Variants in RANBP10 observed in about 807,000 individuals in gnomAD.
RANBP10 encodes RAN binding protein 10, also known as ran-binding protein 10.
In RANBP10, 24 loss-of-function variants were observed where a neutral mutation model predicts 72.8. That is an observed-to-expected ratio of 0.33 (90% CI 0.24 to 0.46). The LOEUF (loss-of-function observed/expected upper bound fraction) is 0.46, where lower values mean the gene tolerates loss of function less well. Ranked by LOEUF, RANBP10 falls within the 20% of genes least tolerant of loss-of-function variation. The pLI, the probability that RANBP10 is intolerant of heterozygous loss-of-function variation, is 1.00. For synonymous variants in RANBP10, 310 were observed against 322.3 expected (o/e 0.96, Z 0.41); for missense variants, 679 against 817.5 (o/e 0.83, Z 2.07).
intron 3 of RANBP10, among the ~76,000 whole-genome samples, chr16:67,745,329 T>C (rs535128461): frequency 6.6e-6 from 1 of 151,826 alleles, no homozygotes; most frequent in Non-Finnish European, 1.5e-5. Flanking sequence ...TTCTCTCTTT[T>C]ATTTTTATTT....
At chr16:67,755,985 T>G (rs2054279763) in intron 3 of RANBP10, among the ~76,000 whole-genome samples, 1 of 152,178 alleles carries the variant, frequency 6.6e-6, no homozygotes. Context: ...CAAGCCACAT[T>G]TGAACCAGCA....
chr16:67,729,826 C>A lies in RANBP10; in HGVS notation c.1001G>T (p.Cys334Phe). The A allele has an allele frequency of 6.2e-7, 1 of 1,613,828 alleles. No homozygotes were observed. Among genetic ancestry groups the A allele is most frequent in the Non-Finnish European group, 8.5e-7 (1 of 1,179,888 alleles). Residue 334 changes from cysteine to phenylalanine, a missense_variant and splice_region_variant, in exon 9 of 14, where the codon TGC becomes TTC. Cys to Phe is a radical substitution (Grantham distance 205, BLOSUM62 -2). Coordinates refer to ENST00000317506, the MANE Select transcript of RANBP10 (RefSeq NM_020850.3). This position sits in a 1 kb window ranked among gnomAD's most constrained non-coding sequence, Gnocchi z 7.1. Reference sequence around the variant, plus strand: ...ATTCACCATCTCCACAAACTGCCGGCACCTGTGGAGGGAGCGGAGCAATAA... The same window carrying A: ...ATTCACCATCTCCACAAACTGCCGGAACCTGTGGAGGGAGCGGAGCAATAA... ...HNPNLLFMLKCRQFVEMVNGT... is the reference protein window; with the variant it reads ...HNPNLLFMLKFRQFVEMVNGT...
At chr16:67,741,524 G>T (rs1267675015) in intron 4 of RANBP10, among the ~76,000 whole-genome samples, 1 of 152,210 alleles carries the variant, frequency 6.6e-6, no homozygotes, top group Non-Finnish European at 1.5e-5. Context: ...ACAGGTCAGG[G>T]ACCACTGAGG....
intron 4 of RANBP10, among the ~76,000 whole-genome samples, chr16:67,742,211 A>G (rs757294200): frequency 6.6e-6 from 1 of 152,136 alleles, no homozygotes; most frequent in Non-Finnish European, 1.5e-5. Flanking sequence ...CGCTCGGCCA[A>G]CTTAGTGATT....
intron 3 of RANBP10, among the ~76,000 whole-genome samples, chr16:67,769,777 G>C (rs1482424627): frequency 4.3e-5 from 2 of 46,082 alleles, no homozygotes; most frequent in African/African-American, 1.4e-4. Flanking sequence ...AAAAAAAAAA[G>C]AGTCCTTACC....
chr16:67,733,464 C>T (rs2053775382), intron 6 of RANBP10, among the ~76,000 whole-genome samples: 1 of 152,006 alleles, frequency 6.6e-6, no homozygotes, highest in Admixed American at 6.6e-5. Flanking sequence ...AGAGGGTTAC[C>T]TACACAAGTA....
At chr16:67,753,526 A>G (rs1295006302) in intron 3 of RANBP10, among the ~76,000 whole-genome samples, 1 of 152,214 alleles carries the variant, frequency 6.6e-6, no homozygotes, top group East Asian at 1.9e-4. Flanking sequence ...ATGATGGGCT[A>G]GCAATGGGAG....
intron 3 of RANBP10, among the ~76,000 whole-genome samples, chr16:67,768,646 G>T (rs370994054): frequency 6.6e-6 from 1 of 152,094 alleles, no homozygotes; most frequent in Admixed American, 6.6e-5. Flanking sequence ...AGCCTGCAAG[G>T]TTGAGGCTGC....
In RANBP10 at chr16:67,774,561, C is replaced by T. The variant is rs138655548; in HGVS notation, c.348-2475G>A. Among the ~76,000 whole-genome samples the T allele has an allele frequency of 2.0e-5, 3 of 152,306 alleles. No individual in the cohort carries two copies. In the East Asian group the frequency reaches 5.8e-4, roughly 29 times the overall value. On this transcript the variant is annotated intron_variant, in intron 2 of 13. Coordinates refer to ENST00000317506, the MANE Select transcript of RANBP10 (RefSeq NM_020850.3). ...TCGGGAGCCTCTGTACAAACCCCTG[C>T]CTCGACTTGAGAATCTGAGTGGACT...
At chr16:67,744,768 A>G (rs2054037132) in intron 3 of RANBP10, among the ~76,000 whole-genome samples, 1 of 152,238 alleles carries the variant, frequency 6.6e-6, no homozygotes, top group Admixed American at 6.5e-5. Flanking sequence ...AGCCTTGTGA[A>G]GGAGTGGGAG....
At position 67,730,026 on chromosome 16, in the gene RANBP10, C is replaced by T; in HGVS notation, c.910G>A (p.Glu304Lys). ...NRQKIQKLVL[E>K]GRVGEAIETT... ...TCGATGGCCTCGCCCACACGGCCCT[C>T]CAGCACCAGCTTCTGGATCTCTGCA... The change falls in exon 8 of 14, where the codon GAG becomes AAG. Residue 304 changes from glutamate (E) to lysine (K), a missense_variant. Glu to Lys is a moderately conservative substitution (Grantham distance 56, BLOSUM62 1). Coordinates refer to ENST00000317506, the MANE Select transcript of RANBP10 (RefSeq NM_020850.3). The surrounding 1 kb of genome is among the most constrained non-coding windows in gnomAD (Gnocchi z 4.3). 1.2e-6 allele frequency: 2 copies of T among 1,612,848 alleles called. No homozygotes were observed. Among genetic ancestry groups the T allele is most frequent in the South Asian group, 2.2e-5 (2 of 91,072 alleles).
At chr16:67,778,142 G>A (rs1310941661) in intron 2 of RANBP10, among the ~76,000 whole-genome samples, 6 of 152,188 alleles carry the variant, frequency 3.9e-5, no homozygotes, top group Non-Finnish European at 7.3e-5. Flanking sequence ...CTGAGGTCGG[G>A]AGTTCAAGAC....
intron 2 of RANBP10, among the ~76,000 whole-genome samples, chr16:67,791,012 A>C (rs965894186): frequency 5.1e-4 from 54 of 105,128 alleles, no homozygotes; most frequent in South Asian, 5.1e-3. Context: ...TTACCAATTT[A>C]TTTCTTTTTT....
chr16:67,732,689 G>A (rs550727286), intron 6 of RANBP10, among the ~76,000 whole-genome samples: 92 of 152,168 alleles, frequency 6.0e-4, no homozygotes, highest in African/African-American at 2.2e-3. Context: ...AGGACAAGGC[G>A]GGAGGATCAC....
At chr16:67,766,969 C>T (rs2054514077) in intron 3 of RANBP10, among the ~76,000 whole-genome samples, 1 of 152,144 alleles carries the variant, frequency 6.6e-6, no homozygotes, top group Non-Finnish European at 1.5e-5. Context: ...GAAGGAAAAC[C>T]CTGAGGAGTT....
At chr16:67,740,805 G>C (rs533991775) in intron 4 of RANBP10, among the ~76,000 whole-genome samples, 1 of 152,300 alleles carries the variant, frequency 6.6e-6, no homozygotes, top group African/African-American at 2.4e-5. Flanking sequence ...CTCATAAGCC[G>C]CATGGTCTGC....
chr16:67,744,751 C>A (rs950885522), intron 3 of RANBP10, among the ~76,000 whole-genome samples: 2 of 152,236 alleles, frequency 1.3e-5, no homozygotes, highest in Non-Finnish European at 2.9e-5. Context: ...AGGAGGTGGT[C>A]AAGGGAAGCC....
At chr16:67,770,909 C>A (rs754864557) in intron 3 of RANBP10, among the ~76,000 whole-genome samples, 1 of 152,122 alleles carries the variant, frequency 6.6e-6, no homozygotes, top group Non-Finnish European at 1.5e-5. Context: ...GCCAAGATCG[C>A]GCCACTACAC....
At chr16:67,790,212 G>T (rs2054998598) in intron 2 of RANBP10, among the ~76,000 whole-genome samples, 1 of 151,682 alleles carries the variant, frequency 6.6e-6, no homozygotes, top group Non-Finnish European at 1.5e-5. Context: ...GACCAATATT[G>T]TAGGATTCCC....
Sources: allele counts gnomAD v4.1 joint callset (sites outside exome capture counted in the v4.1 genomes callset), GRCh38; gene constraint gnomAD v4.1.1; non-coding constraint Gnocchi (gnomAD v3.1); transcripts MANE v1.5; gene names NCBI Gene and HGNC (gene_info 2026-07-23, HGNC 2026-07-21).